The following TRPM3 variants were observed in gnomAD, a reference collection of about 807,000 sequenced individuals.
TRPM3 encodes the protein transient receptor potential cation channel subfamily M member 3.
Under a neutral mutation model 181.2 loss-of-function variants are expected in TRPM3, and 77 were observed. That is an observed-to-expected ratio of 0.42 (90% CI 0.35 to 0.51). The LOEUF is 0.51. Ranked by LOEUF, TRPM3 falls within the 20% of genes least tolerant of loss-of-function variation. The pLI is 0.01. For missense variants in TRPM3, 1,759 were observed against 2,196.7 expected (o/e 0.80, Z 3.98); for synonymous variants, 745 against 796.4 (o/e 0.94, Z 1.09).
chr9:71,148,599 T>C (rs531506541), intron 1 of TRPM3, among the ~76,000 whole-genome samples: 1 of 152,108 alleles, frequency 6.6e-6, no homozygotes, highest in Non-Finnish European at 1.5e-5. Flanking sequence ...AGGAAAAACA[T>C]GAACCAAGAA....
intron 1 of TRPM3, among the ~76,000 whole-genome samples, chr9:71,106,786 G>A (rs986162554): frequency 8.5e-5 from 13 of 152,176 alleles, no homozygotes; most frequent in East Asian, 3.9e-4. Flanking sequence ...ATTTTAAAAC[G>A]TATAAAACAG....
intron 6 of TRPM3, among the ~76,000 whole-genome samples, chr9:70,786,922 T>G (rs1433920488): frequency 6.6e-6 from 1 of 152,148 alleles, no homozygotes; most frequent in African/African-American, 2.4e-5. Flanking sequence ...AGACCAAGTG[T>G]GATCCACTCA....
intron 6 of TRPM3, among the ~76,000 whole-genome samples, chr9:70,822,759 TTGTGTGTGTGTGTG>T (rs113090222): frequency 5.4e-5 from 8 of 147,100 alleles, no homozygotes; most frequent in African/African-American, 1.3e-4. Flanking sequence ...AAGATTTGTC[TTGTGTGTGTGTGTG>T]TGTGTGTGTG....
At chr9:70,807,288 T>G (rs2090910820) in intron 6 of TRPM3, among the ~76,000 whole-genome samples, 1 of 152,198 alleles carries the variant, frequency 6.6e-6, no homozygotes, top group African/African-American at 2.4e-5. Flanking sequence ...ATATGTATCA[T>G]TAGACTCTCT....
At chr9:70,872,094 T>C (rs2095798933) in intron 1 of TRPM3, among the ~76,000 whole-genome samples, 1 of 152,064 alleles carries the variant, frequency 6.6e-6, no homozygotes, top group African/African-American at 2.4e-5. Context: ...AAGTAGTGGT[T>C]AGCAAACGTT....
intron 1 of TRPM3, among the ~76,000 whole-genome samples, chr9:71,218,956 A>G (rs2080070312): frequency 1.3e-5 from 2 of 152,224 alleles, no homozygotes; most frequent in Non-Finnish European, 1.5e-5. Flanking sequence ...TCAAAGTCCT[A>G]TATAATTTAG....
chr9:70,878,851 C>T (rs926002614), intron 1 of TRPM3, among the ~76,000 whole-genome samples: 1 of 152,070 alleles, frequency 6.6e-6, no homozygotes, highest in Admixed American at 6.6e-5. Context: ...TCTACTGGAT[C>T]TGCACCTACA....
At chr9:71,343,213 C>A (rs1346909) in intron 1 of TRPM3, among the ~76,000 whole-genome samples, 12,545 of 151,570 alleles carry the variant, frequency 0.083, 827 homozygotes, top group African/African-American at 0.18. Context: ...ATTTAGCATA[C>A]AAAAATAAGT....
rs140058058 is a variant in TRPM3, at chr9:70,575,293, G to A, written c.3223+15738C>T. 8.5e-5 allele frequency among the ~76,000 whole-genome samples: 13 copies of A among 152,164 alleles called. No homozygotes were observed. The East Asian group carries it at 1.4e-3, about 16-fold the overall frequency. On this transcript the variant is annotated intron_variant, in intron 22 of 25. Coordinates refer to ENST00000677713, the MANE Select transcript of TRPM3 (RefSeq NM_001366145.2). ...GCATCTACCTGGAGCTGGCTTCCCC[G>A]CTGGAAGAAACAACGGCTTTGCAAA...
rs115296274 is a variant in TRPM3 at position 70,992,584 on chromosome 9, T to G, written c.178-128073A>C. ...TGGAAATGATCTATAATATCTGCAC[T>G]GTACAATACAGTAGCTGCTAGCCAT... On this transcript the variant is annotated intron_variant, in intron 1 of 25. Transcript: ENST00000677713. Among the ~76,000 whole-genome samples the G allele has an allele frequency of 9.6e-3, 1,468 of 152,338 alleles. 19 individuals carry two copies. Among genetic ancestry groups the G allele is most frequent in the African/African-American group, 0.033 (1,383 of 41,566 alleles).
chr9:70,549,805 A>G, intron 24 of TRPM3, 131 bp from the exon 25 acceptor site: 1 of 908,320 alleles, frequency 1.1e-6, no homozygotes, highest in Non-Finnish European at 1.6e-6. Context: ...GTTAAGTCTC[A>G]AATGAAATCC....
At chr9:70,677,237 T>A (rs911005923) in intron 9 of TRPM3, among the ~76,000 whole-genome samples, 1 of 152,132 alleles carries the variant, frequency 6.6e-6, no homozygotes, top group African/African-American at 2.4e-5. Context: ...GACCCAATGA[T>A]GCAAAAGTTA....
intron 1 of TRPM3, among the ~76,000 whole-genome samples, chr9:71,225,542 C>T (rs1327267374): frequency 1.3e-5 from 2 of 152,050 alleles, no homozygotes; most frequent in Admixed American, 1.3e-4. Context: ...TCTGAATGTA[C>T]AAAACTCACT....
rs1386055390 is a variant in TRPM3 at position 70,535,748 on chromosome 9, C to A, written c.*205G>T. ...CAGCAAGTGTGAACATGCCTTAAATCCCCTGTGTCTGGCACTGGGTCAGAT... is the reference window on the plus strand; with the variant it reads ...CAGCAAGTGTGAACATGCCTTAAATACCCTGTGTCTGGCACTGGGTCAGAT... On this transcript the variant is annotated 3_prime_UTR_variant, in exon 26 of 26. Coordinates refer to ENST00000677713, the MANE Select transcript of TRPM3 (RefSeq NM_001366145.2). 2 of 1,451,488 alleles carry A rather than the reference C, an allele frequency of 1.4e-6. No homozygotes were observed. The highest frequency in any genetic ancestry group is 1.8e-6 in the Non-Finnish European group (2 of 1,109,838). 89.9% of individuals were successfully genotyped at this position (1,451,488 alleles called of 1,614,324 possible). A position where few individuals can be genotyped will look rare whatever the true frequency, so the allele number is the denominator to read the frequency against.
chr9:70,572,192 G>A (rs1053348083), intron 22 of TRPM3, among the ~76,000 whole-genome samples: 3 of 152,106 alleles, frequency 2.0e-5, no homozygotes, highest in East Asian at 1.9e-4. Flanking sequence ...ATGTTCAAAT[G>A]TGGAATTCGT....
At chr9:71,422,863 T>C (rs546529725) in intron 1 of TRPM3, among the ~76,000 whole-genome samples, 1 of 152,084 alleles carries the variant, frequency 6.6e-6, no homozygotes, top group African/African-American at 2.4e-5. Context: ...CAGTGGAGAT[T>C]TAAGAATTAT....
chr9:70,928,017 C>A (rs1018716540), intron 1 of TRPM3, among the ~76,000 whole-genome samples: 1 of 152,124 alleles, frequency 6.6e-6, no homozygotes, highest in Non-Finnish European at 1.5e-5. Context: ...GGAAATTTTA[C>A]TTCTTTCTTA....
intron 1 of TRPM3, among the ~76,000 whole-genome samples, chr9:71,077,005 T>C (rs567281460): frequency 6.6e-6 from 1 of 152,308 alleles, no homozygotes; most frequent in East Asian, 1.9e-4. Context: ...CTACAAACAC[T>C]TGGCCTAAAC....
chr9:71,206,377 G>T (rs929560531), intron 1 of TRPM3, among the ~76,000 whole-genome samples: 1 of 152,032 alleles, frequency 6.6e-6, no homozygotes, highest in African/African-American at 2.4e-5. Flanking sequence ...ATGTTTGTTG[G>T]CCACATAAAA....
Sources: gnomAD v4.1 joint callset for allele counts (sites outside exome capture counted in the v4.1 genomes callset) on GRCh38, gnomAD v4.1.1 for gene constraint, MANE v1.5 for transcripts, NCBI Gene and HGNC (gene_info 2026-07-23, HGNC 2026-07-21) for gene names.